The following PDGFRA variants were observed in gnomAD, a reference collection of about 807,000 sequenced individuals.
The protein encoded by PDGFRA is platelet-derived growth factor receptor alpha.
A neutral mutation model predicts 121.5 loss-of-function variants in PDGFRA; 25 were observed. The ratio of observed to expected loss-of-function variants is 0.21; its 90% CI spans 0.15 to 0.29. PDGFRA has a LOEUF of 0.29. Among genes scored for constraint, PDGFRA ranks in the 10% least tolerant of loss-of-function variants. The pLI, the probability that PDGFRA is intolerant of heterozygous loss-of-function variation, is 1.00. For synonymous variants in PDGFRA, 463 were observed against 494.8 expected (o/e 0.94, Z 0.85); for missense variants, 1,008 against 1,345.1 (o/e 0.75, Z 3.92).
At chr4:54,265,204 T>A in intron 5 of PDGFRA, 155 bp downstream of exon 5, 1 of 711,000 alleles carries the variant, frequency 1.4e-6, no homozygotes, top group Non-Finnish European at 2.5e-6. Flanking sequence ...TTAAATGGCC[T>A]TTAGGACTCC....
intron 1 of PDGFRA, among the ~76,000 whole-genome samples, chr4:54,253,157 C>A (rs1286117580): frequency 6.6e-6 from 1 of 152,152 alleles, no homozygotes; most frequent in Non-Finnish European, 1.5e-5. Context: ...AAGTGCAGGG[C>A]AAGTTATGTG....
At chr4:54,250,859 G>A (rs1452750530) in intron 1 of PDGFRA, among the ~76,000 whole-genome samples, 2 of 152,084 alleles carry the variant, frequency 1.3e-5, no homozygotes, top group East Asian at 3.9e-4. Flanking sequence ...GGGGTCAGGA[G>A]TTCAAGACTA....
chr4:54,248,773 A>G (rs1020616867), intron 1 of PDGFRA, among the ~76,000 whole-genome samples: 14 of 152,218 alleles, frequency 9.2e-5, no homozygotes, highest in African/African-American at 3.4e-4. Flanking sequence ...CATCAGAGTG[A>G]ATAGGCAACC....
rs576443508 is a variant in PDGFRA, at chr4:54,284,452, G to T, written c.2324-919G>T. On this transcript the variant is annotated intron_variant, in intron 16 of 22. Transcript: ENST00000257290. ...TTTCATTGGCACATGGATTCTGCAG[G>T]CTATACAGGCATTTGCTTCTGGAGA... 2.0e-5 allele frequency among the ~76,000 whole-genome samples: 3 copies of T among 152,182 alleles called. No homozygotes were observed. In the South Asian group the frequency reaches 6.2e-4, roughly 32 times the overall value.
At chr4:54,264,451 A>G (rs1277024883) in intron 4 of PDGFRA, 1 of 247,962 alleles carries the variant, frequency 4.0e-6, no homozygotes, top group Non-Finnish European at 7.8e-6. Flanking sequence ...AAATCAGAGC[A>G]CAGCTAATTT....
chr4:54,258,611 T>G (rs1722504554), intron 1 of PDGFRA, 146 bp from the exon 2 acceptor site: 1 of 703,702 alleles, frequency 1.4e-6, no homozygotes, highest in East Asian at 2.6e-5. Context: ...GGCGTCTTAC[T>G]GTTTGAACCT....
chr4:54,291,946 AT>A (rs901285347), intron 22 of PDGFRA, among the ~76,000 whole-genome samples: 27 of 152,238 alleles, frequency 1.8e-4, no homozygotes, highest in African/African-American at 6.3e-4. Flanking sequence ...CTATGTGTTG[AT>A]AAAAAAGAAC....
At chr4:54,248,515 G>A (rs1249116297) in intron 1 of PDGFRA, among the ~76,000 whole-genome samples, 1 of 152,190 alleles carries the variant, frequency 6.6e-6, no homozygotes, top group Non-Finnish European at 1.5e-5. Context: ...CTAGCCATAT[G>A]TAGAAAGCTG....
At chr4:54,252,321 A>G (rs561314610) in intron 1 of PDGFRA, among the ~76,000 whole-genome samples, 10 of 152,340 alleles carry the variant, frequency 6.6e-5, no homozygotes, top group Admixed American at 5.2e-4. Context: ...TGTGGAATAT[A>G]TTGCTGTTGT....
At chr4:54,285,767 G>C (rs1724323868) in intron 17 of PDGFRA, 74 bp from the exon 18 acceptor site, 2 of 1,497,778 alleles carry the variant, frequency 1.3e-6, no homozygotes, top group Non-Finnish European at 1.8e-6. Context: ...CCATGGATCA[G>C]CCAGTCTTGC....
chr4:54,233,053 C>T (rs1412620700), intron 1 of PDGFRA, among the ~76,000 whole-genome samples: 1 of 151,980 alleles, frequency 6.6e-6, no homozygotes, highest in African/African-American at 2.4e-5. Context: ...ATTCTCTTCC[C>T]GCTCTCCCCC....
chr4:54,236,732 G>A (rs1439070946), intron 1 of PDGFRA, among the ~76,000 whole-genome samples: 3 of 152,174 alleles, frequency 2.0e-5, no homozygotes, highest in East Asian at 3.9e-4. Flanking sequence ...GAACTTGGGA[G>A]GCAGAGGTTG....
At chr4:54,250,742 CTAAAAT>C (rs1722011472) in intron 1 of PDGFRA, among the ~76,000 whole-genome samples, 1 of 152,126 alleles carries the variant, frequency 6.6e-6, no homozygotes, top group South Asian at 2.1e-4. Context: ...GATGGGTACT[CTAAAAT>C]GCAAGCCTCT....
At chr4:54,256,524 CA>C (rs1722381738) in intron 1 of PDGFRA, among the ~76,000 whole-genome samples, 1 of 151,548 alleles carries the variant, frequency 6.6e-6, no homozygotes, top group South Asian at 2.1e-4. Context: ...AGGCATGAAC[CA>C]CCGTGCCCAG....
At chr4:54,260,413 T>G (rs1273043796) in intron 2 of PDGFRA, among the ~76,000 whole-genome samples, 4 of 138,786 alleles carry the variant, frequency 2.9e-5, no homozygotes, top group Admixed American at 1.4e-4. Context: ...TTTTTTTTTT[T>G]TTTTTTTTTT....
At chr4:54,259,597 C>T (rs1011877062) in intron 2 of PDGFRA, among the ~76,000 whole-genome samples, 11 of 152,168 alleles carry the variant, frequency 7.2e-5, no homozygotes, top group Non-Finnish European at 1.6e-4. Flanking sequence ...GCCATGAAAC[C>T]AGTGCTCTTC....
rs2110337815 is a variant in PDGFRA, at chr4:54,285,891, A to C, written c.2490A>C (p.Lys830Asn). The change falls in exon 18 of 23, where the codon AAA becomes AAC. Residue 830 changes from lysine to asparagine, a missense_variant. Lys to Asn is a moderately conservative substitution (Grantham distance 94, BLOSUM62 0). Transcript: ENST00000257290. ...AARNVLLAQG[K>N]IVKICDFGLA... ...GCAACGTCCTCCTGGCACAAGGAAAAATTGTGAAGATCTGTGACTTTGGCC... is the reference window on the plus strand; with the variant it reads ...GCAACGTCCTCCTGGCACAAGGAAACATTGTGAAGATCTGTGACTTTGGCC... The C allele has an allele frequency of 6.2e-7, 1 of 1,613,966 alleles. No homozygotes were observed. Among genetic ancestry groups the C allele is most frequent in the Non-Finnish European group, 8.5e-7 (1 of 1,179,892 alleles).
At chr4:54,247,053 G>A (rs999144297) in intron 1 of PDGFRA, among the ~76,000 whole-genome samples, 3 of 152,140 alleles carry the variant, frequency 2.0e-5, no homozygotes, top group African/African-American at 7.2e-5. Context: ...CCAATAACAG[G>A]CTCTGAAATT....
At chr4:54,234,940 T>A (rs1289328488) in intron 1 of PDGFRA, among the ~76,000 whole-genome samples, 2 of 152,132 alleles carry the variant, frequency 1.3e-5, no homozygotes, top group Admixed American at 6.5e-5. Context: ...AGGCTCCTGT[T>A]TAAAAACACT....
Sources: gnomAD v4.1 joint callset for allele counts (sites outside exome capture counted in the v4.1 genomes callset) on GRCh38, gnomAD v4.1.1 for gene constraint, MANE v1.5 for transcripts, NCBI Gene and HGNC (gene_info 2026-07-23, HGNC 2026-07-21) for gene names.